Variants in LRRC37A2 observed in about 807,000 individuals in gnomAD.
LRRC37A2 encodes the protein leucine-rich repeat-containing protein 37A2.
A neutral mutation model predicts 68.8 loss-of-function variants in LRRC37A2; 9 were observed. The observed-to-expected ratio is 0.13, with a 90% CI of 0.08 to 0.23. The LOEUF is 0.23. Among genes scored for constraint, LRRC37A2 ranks in the 10% least tolerant of loss-of-function variants. LRRC37A2 has a pLI of 1.00. For synonymous variants in LRRC37A2, 63 were observed against 367.6 expected, an observed-to-expected ratio of 0.17 and a Z score of 9.48; for missense variants, 168 against 950.4, an observed-to-expected ratio of 0.18 and a Z score of 10.82.
the LRRC37A2 span, among the ~76,000 whole-genome samples, chr17:46,440,397 ATT>A: frequency 6.2e-5 from 4 of 64,100 alleles, no homozygotes; most frequent in Admixed American, 1.5e-4. Context: ...ATTTTATTTT[ATT>A]TTTTTTTTTT....
At chr17:47,013,668 C>T in the LRRC37A2 span, among the ~76,000 whole-genome samples, 1 of 152,110 alleles carries the variant, frequency 6.6e-6, no homozygotes, top group South Asian at 2.1e-4. Flanking sequence ...TTGTGGGGTG[C>T]GACCAGTATA....
At chr17:46,493,044 GCTT>G in the LRRC37A2 span, among the ~76,000 whole-genome samples, 3 of 145,954 alleles carry the variant, frequency 2.1e-5, no homozygotes, top group African/African-American at 5.4e-5. Flanking sequence ...TATGGTGGTA[GCTT>G]CTTCTGGTTT....
the LRRC37A2 span, among the ~76,000 whole-genome samples, chr17:46,980,421 T>C: frequency 6.6e-6 from 1 of 152,002 alleles, no homozygotes; most frequent in South Asian, 2.1e-4. Context: ...CTTTCTGTCT[T>C]CTTTTTTCTT....
chr17:46,946,776 T>C, the LRRC37A2 span, among the ~76,000 whole-genome samples: 6 of 152,174 alleles, frequency 3.9e-5, no homozygotes, highest in African/African-American at 1.4e-4. Flanking sequence ...GACATGAGAA[T>C]TGTTTGAACC....
chr17:46,940,712 C>T, the LRRC37A2 span: 1 of 1,604,272 alleles, frequency 6.2e-7, no homozygotes, highest in Non-Finnish European at 8.5e-7. Flanking sequence ...GCTTTCCACA[C>T]TTGACAGTGG....
At chr17:46,534,398 T>C (rs1184675442) in intron 6 of LRRC37A2, among the ~76,000 whole-genome samples, 1 of 147,036 alleles carries the variant, frequency 6.8e-6, no homozygotes, top group Non-Finnish European at 1.5e-5. Flanking sequence ...TGGTGATGAC[T>C]CTTAACGAGC....
At chr17:46,949,775 C>G in the LRRC37A2 span, among the ~76,000 whole-genome samples, 2 of 152,072 alleles carry the variant, frequency 1.3e-5, no homozygotes, top group African/African-American at 4.8e-5. Context: ...GGAGCCTGGG[C>G]GGACGGTCTC....
chr17:46,923,047 C>A, the LRRC37A2 span: 1 of 680,718 alleles, frequency 1.5e-6, no homozygotes, highest in Non-Finnish European at 2.7e-6. Flanking sequence ...ATCTCGCAAC[C>A]ACTGCTAGTA....
At chr17:46,711,693 A>C in the LRRC37A2 span, among the ~76,000 whole-genome samples, 1 of 152,236 alleles carries the variant, frequency 6.6e-6, no homozygotes, top group South Asian at 2.1e-4. Flanking sequence ...ATTAATTTAC[A>C]GTTATAATTA....
At chr17:46,982,827 A>G in the LRRC37A2 span, among the ~76,000 whole-genome samples, 1 of 152,186 alleles carries the variant, frequency 6.6e-6, no homozygotes, top group Non-Finnish European at 1.5e-5. Flanking sequence ...TTGTTACAGT[A>G]AGGGAGGCAG....
the LRRC37A2 span, among the ~76,000 whole-genome samples, chr17:46,951,257 T>C: frequency 6.6e-6 from 1 of 152,154 alleles, no homozygotes; most frequent in African/African-American, 2.4e-5. Context: ...AGGTGCCCGC[T>C]GGCCGCCCAC....
chr17:46,744,625 A>G, the LRRC37A2 span, among the ~76,000 whole-genome samples: 1 of 152,082 alleles, frequency 6.6e-6, no homozygotes, highest in Non-Finnish European at 1.5e-5. Flanking sequence ...TTTAGGGAAA[A>G]AAAAAAGCTT....
In LRRC37A2 at chr17:46,549,393, C is replaced by G. The variant is rs1598524706; in HGVS notation, c.4254C>G (p.Asn1418Lys). The G allele has an allele frequency of 3.8e-6, 4 of 1,060,824 alleles. No individual in the cohort carries two copies. In the East Asian group the frequency reaches 7.2e-5, roughly 19 times the overall value. 65.7% of individuals were successfully genotyped at this position (1,060,824 alleles called of 1,614,324 possible). The change falls in exon 10 of 15, where the codon AAC becomes AAG. Residue 1418 changes from asparagine to lysine, a missense_variant. Coordinates refer to ENST00000576629, the Ensembl canonical transcript of LRRC37A2. ...AAGGAACCATCTCTGAAAACACAAA[C>G]TACAATCATCCTCATGAGGCAGATT...
the LRRC37A2 span, among the ~76,000 whole-genome samples, chr17:46,883,079 T>C: frequency 6.7e-6 from 1 of 149,772 alleles, no homozygotes; most frequent in Non-Finnish European, 1.5e-5. Flanking sequence ...CCCAGGTTCA[T>C]GCCATTCTCC....
the LRRC37A2 span, among the ~76,000 whole-genome samples, chr17:46,500,857 C>G: frequency 2.6e-4 from 39 of 151,070 alleles, 5 homozygotes; most frequent in African/African-American, 9.4e-4. Flanking sequence ...TATGGTTCCC[C>G]AAACAGCACA....
At chr17:46,771,585 TCAATCC>T in the LRRC37A2 span, among the ~76,000 whole-genome samples, 1 of 147,274 alleles carries the variant, frequency 6.8e-6, no homozygotes, top group African/African-American at 2.5e-5. Flanking sequence ...GCTGGGCCGC[TCAATCC>T]GCCTTTGTTC....
chr17:46,778,642 C>T, the LRRC37A2 span, among the ~76,000 whole-genome samples: 1 of 152,184 alleles, frequency 6.6e-6, no homozygotes, highest in African/African-American at 2.4e-5. Flanking sequence ...CTTCGGGAGG[C>T]GGCACAGTGA....
the LRRC37A2 span, chr17:46,768,883 C>A: frequency 1.6e-5 from 25 of 1,550,604 alleles, no homozygotes; most frequent in Non-Finnish European, 2.0e-5. The surrounding 1 kb of genome is among the most constrained non-coding windows in gnomAD (Gnocchi z 5.0). Context: ...CACTGCCCAC[C>A]CCCTTCCCTC....
chr17:46,908,199 TCA>T, the LRRC37A2 span, among the ~76,000 whole-genome samples: 5 of 97,240 alleles, frequency 5.1e-5, no homozygotes, highest in Non-Finnish European at 1.2e-4. Flanking sequence ...ACCGCCCCCC[TCA>T]CTCTGTGAGG....
Sources: allele counts gnomAD v4.1 joint callset (sites outside exome capture counted in the v4.1 genomes callset), GRCh38; gene constraint gnomAD v4.1.1; non-coding constraint Gnocchi (gnomAD v3.1); transcripts MANE v1.5; gene names NCBI Gene and HGNC (gene_info 2026-07-23, HGNC 2026-07-21).